Variants in SLC22A9 observed in about 807,000 individuals in gnomAD.
The protein encoded by SLC22A9 is solute carrier family 22 member 9, also known as organic anion transporter 7.
Under a neutral mutation model 50.1 loss-of-function variants are expected in SLC22A9, and 64 were observed. That is an observed-to-expected ratio of 1.28 (90% confidence interval 1.04 to 1.57). The LOEUF (loss-of-function observed/expected upper bound fraction) is 1.57, where lower values mean the gene tolerates loss of function less well. Ranked by LOEUF, SLC22A9 falls within the 40% of genes most tolerant of loss-of-function variation. The pLI, the probability that SLC22A9 is intolerant of heterozygous loss-of-function variation, is 0.00. For synonymous variants in SLC22A9, 261 were observed against 242.5 expected, an observed-to-expected ratio of 1.08 and a Z score of -0.71; for missense variants, 757 against 676.1, an observed-to-expected ratio of 1.12 and a Z score of -1.33.
chr11:63,404,488 G>A (rs2015004102), intron 6 of SLC22A9, among the ~76,000 whole-genome samples: 2 of 152,106 alleles, frequency 1.3e-5, no homozygotes, highest in Non-Finnish European at 2.9e-5. Flanking sequence ...CTGAGACGAT[G>A]GGGTTTTCTA....
intron 6 of SLC22A9, among the ~76,000 whole-genome samples, chr11:63,399,267 G>T (rs1265027183): frequency 6.6e-6 from 1 of 152,128 alleles, no homozygotes; most frequent in Non-Finnish European, 1.5e-5. Flanking sequence ...AGCTGAATGG[G>T]TTAAAAAACA....
At chr11:63,377,071 A>G (rs919655892) in intron 5 of SLC22A9, among the ~76,000 whole-genome samples, 2 of 152,164 alleles carry the variant, frequency 1.3e-5, no homozygotes, top group African/African-American at 2.4e-5. Flanking sequence ...ATCTACAAAG[A>G]GACTTAGATA....
At chr11:63,397,661 A>AC (rs2014883184) in intron 6 of SLC22A9, among the ~76,000 whole-genome samples, 1 of 151,906 alleles carries the variant, frequency 6.6e-6, no homozygotes, top group African/African-American at 2.4e-5. Flanking sequence ...GGCCACCACC[A>AC]CCCCACGTTT....
intron 5 of SLC22A9, among the ~76,000 whole-genome samples, chr11:63,381,926 C>G (rs977084474): frequency 2.6e-5 from 4 of 152,156 alleles, no homozygotes; most frequent in African/African-American, 9.7e-5. Context: ...TCTGTAGCCA[C>G]TTGGATCTCT....
At chr11:63,394,273 GT>G (rs1022716682) in intron 6 of SLC22A9, among the ~76,000 whole-genome samples, 4 of 151,492 alleles carry the variant, frequency 2.6e-5, no homozygotes, top group Admixed American at 6.6e-5. Context: ...TTATACCTTG[GT>G]TTTTTGGTTT....
chr11:63,396,999 A>C (rs1038818754), intron 6 of SLC22A9, among the ~76,000 whole-genome samples: 2 of 152,160 alleles, frequency 1.3e-5, no homozygotes, highest in East Asian at 3.9e-4. Context: ...TTGTTTGTAC[A>C]CATCTTTCTT....
intron 6 of SLC22A9, among the ~76,000 whole-genome samples, chr11:63,397,196 T>C (rs1026495638): frequency 6.6e-6 from 1 of 152,230 alleles, no homozygotes; most frequent in Non-Finnish European, 1.5e-5. Flanking sequence ...AGGCAGATAC[T>C]TTTGTTCTCT....
intron 6 of SLC22A9, among the ~76,000 whole-genome samples, chr11:63,402,895 T>C (rs1406106873): frequency 6.6e-6 from 1 of 152,158 alleles, no homozygotes; most frequent in African/African-American, 2.4e-5. Flanking sequence ...AATATTTGTA[T>C]GTTTGCTCAC....
intron 6 of SLC22A9, among the ~76,000 whole-genome samples, chr11:63,403,746 T>C (rs747496136): frequency 1.3e-5 from 2 of 152,056 alleles, no homozygotes; most frequent in Non-Finnish European, 2.9e-5. Flanking sequence ...AAGTGTTTTA[T>C]GGAGGATTAA....
At chr11:63,389,207 C>T (rs1294429274) in intron 6 of SLC22A9, among the ~76,000 whole-genome samples, 2 of 151,714 alleles carry the variant, frequency 1.3e-5, no homozygotes, top group Admixed American at 6.6e-5. Context: ...GATACATGTG[C>T]AGAACATGCA....
chr11:63,370,458 G>A lies in SLC22A9; in HGVS notation c.402G>A (p.Glu134=). The A allele has an allele frequency of 1.9e-6, 3 of 1,575,428 alleles. No individual in the cohort carries two copies. The highest frequency in any genetic ancestry group is 4.5e-5 in the East Asian group (2 of 44,674). The change falls in exon 1 of 10, where the codon GAG becomes GAA. Residue 134 remains glutamate (E), a splice_region_variant and synonymous_variant. Coordinates refer to ENST00000279178, the MANE Select transcript of SLC22A9 (RefSeq NM_080866.3). ...CCTTCTCATCCACCATCGTGACTGA[G>A]GTAAGAGGCTCTGTTCTCGTCTCAT... ...RISFSSTIVT[E]WDLVCDSQSL... is the part of the protein sequence containing the mutation.
At chr11:63,382,864 G>A (rs948498376) in intron 6 of SLC22A9, among the ~76,000 whole-genome samples, 1 of 152,134 alleles carries the variant, frequency 6.6e-6, no homozygotes, top group Non-Finnish European at 1.5e-5. Flanking sequence ...AAGAACAGTT[G>A]CACTGAAATG....
intron 6 of SLC22A9, among the ~76,000 whole-genome samples, chr11:63,397,786 T>TC (rs1402439195): frequency 6.6e-6 from 1 of 152,066 alleles, no homozygotes; most frequent in East Asian, 1.9e-4. Flanking sequence ...GAAATGGGCT[T>TC]CCCTCTGGCC....
chr11:63,409,793 T>C lies in SLC22A9; in HGVS notation c.1602-9T>C. On this transcript the variant is annotated splice_polypyrimidine_tract_variant and intron_variant, in intron 9 of 9. Transcript: ENST00000279178. Reference sequence around the variant, plus strand: ...TGATTTTTTGTTGGTTTCTTTGTATTTGTTCTAGGAGAAAAGACCCCAGAG... The same window carrying C: ...TGATTTTTTGTTGGTTTCTTTGTATCTGTTCTAGGAGAAAAGACCCCAGAG... 1 of 1,613,384 alleles carries C rather than the reference T, an allele frequency of 6.2e-7. No individual in the cohort carries two copies. Among genetic ancestry groups the C allele is most frequent in the Non-Finnish European group, 8.5e-7 (1 of 1,179,648 alleles).
intron 5 of SLC22A9, among the ~76,000 whole-genome samples, chr11:63,381,467 C>T (rs2014559290): frequency 6.6e-6 from 1 of 152,100 alleles, no homozygotes. Context: ...TAGGGTGCAG[C>T]CCAGAAAGCA....
intron 6 of SLC22A9, among the ~76,000 whole-genome samples, chr11:63,390,800 AAT>A (rs1312061462): frequency 6.6e-6 from 1 of 151,894 alleles, no homozygotes; most frequent in Non-Finnish European, 1.5e-5. Flanking sequence ...CTATTTTCAC[AAT>A]ATTGATTCTT....
chr11:63,376,714 C>T (rs1026672994), intron 5 of SLC22A9, among the ~76,000 whole-genome samples: 1 of 151,544 alleles, frequency 6.6e-6, no homozygotes, highest in Non-Finnish European at 1.5e-5. Context: ...TTAATATTAA[C>T]CTTAAATGTA....
rs748043509 is a variant in SLC22A9, at chr11:63,408,649, T to C, written c.1398-27T>C. On this transcript the variant is annotated intron_variant, in intron 8 of 9. Transcript: ENST00000279178. ...TGCCTGTGTGGATTTTTAACAGATA[T>C]TCTTGTATTGCTGTTTCCACTCAAA... is the stretch of plus-strand genomic sequence containing the variant. 1.1e-5 allele frequency: 17 copies of C among 1,590,756 alleles called. No homozygotes were observed. In the African/African-American group the frequency reaches 2.3e-4, roughly 21 times the overall value.
At chr11:63,380,504 C>G (rs1157367907) in intron 5 of SLC22A9, among the ~76,000 whole-genome samples, 1 of 151,920 alleles carries the variant, frequency 6.6e-6, no homozygotes, top group African/African-American at 2.4e-5. Flanking sequence ...TACTAAGCAG[C>G]CAAAAAAAGA....
Sources: gnomAD v4.1 joint callset for allele counts (sites outside exome capture counted in the v4.1 genomes callset) on GRCh38, gnomAD v4.1.1 for gene constraint, MANE v1.5 for transcripts, NCBI Gene and HGNC (gene_info 2026-07-23, HGNC 2026-07-21) for gene names.